L3MBTL4: variants seen among roughly 807,000 people sequenced by gnomAD.
L3MBTL4 encodes the protein L3MBTL histone methyl-lysine binding protein 4, also known as lethal(3)malignant brain tumor-like protein 4.
Under a neutral mutation model 84.5 loss-of-function variants are expected in L3MBTL4, and 70 were observed. The observed-to-expected ratio is 0.83, with a 90% CI of 0.68 to 1.01. The LOEUF (loss-of-function observed/expected upper bound fraction) is 1.01, where lower values mean the gene tolerates loss of function less well. Ranked by LOEUF, L3MBTL4 falls within the 50% of genes least tolerant of loss-of-function variation. The pLI, the probability that L3MBTL4 is intolerant of heterozygous loss-of-function variation, is 0.00. For synonymous variants in L3MBTL4, 274 were observed against 259.8 expected, an observed-to-expected ratio of 1.05 and a Z score of -0.52; for missense variants, 715 against 754.8, an observed-to-expected ratio of 0.95 and a Z score of 0.62.
chr18:6,000,885 GTC>G (rs2054181440), intron 16 of L3MBTL4, among the ~76,000 whole-genome samples: 1 of 152,216 alleles, frequency 6.6e-6, no homozygotes, highest in Admixed American at 6.5e-5. Flanking sequence ...CCAGGAATCT[GTC>G]TCTCTGCCTA....
chr18:6,294,047 G>A (rs927078421), intron 4 of L3MBTL4, among the ~76,000 whole-genome samples: 1 of 152,098 alleles, frequency 6.6e-6, no homozygotes, highest in South Asian at 2.1e-4. Flanking sequence ...CTAATTTCCT[G>A]CTTGGAAGGA....
intron 5 of L3MBTL4, among the ~76,000 whole-genome samples, chr18:6,247,009 T>C (rs1481577782): frequency 6.6e-6 from 1 of 152,194 alleles, no homozygotes; most frequent in Admixed American, 6.5e-5. Context: ...CATTGCTACA[T>C]TTCACCTGCT....
intron 16 of L3MBTL4, among the ~76,000 whole-genome samples, chr18:6,013,786 T>C (rs1259112500): frequency 6.6e-6 from 1 of 152,232 alleles, no homozygotes; most frequent in Non-Finnish European, 1.5e-5. Context: ...GATCCTCAAA[T>C]CTGGCACATA....
chr18:6,201,646 G>A (rs894496151), intron 12 of L3MBTL4, among the ~76,000 whole-genome samples: 6 of 152,118 alleles, frequency 3.9e-5, no homozygotes, highest in African/African-American at 1.4e-4. Context: ...TGAAGTAAGG[G>A]ATTACAGAGA....
chr18:5,999,993 C>T lies in L3MBTL4; in HGVS notation c.1445-30431G>A, dbSNP rs140728838. Among the ~76,000 whole-genome samples, 1,181 of 152,028 alleles carry T rather than the reference C, an allele frequency of 7.8e-3. 18 individuals carry two copies. The highest frequency in any genetic ancestry group is 0.026 in the African/African-American group (1,070 of 41,438). On this transcript the variant is annotated intron_variant, in intron 16 of 18. Coordinates refer to ENST00000317931, the MANE Select transcript of L3MBTL4 (RefSeq NM_001330559.2). ...CTCAGTGTCAGGCAAGAGAGAGAAA[C>T]CTTTTAGTTGGAAAGCCTAGCCCTC...
chr18:6,271,478 C>A (rs1040797303), intron 4 of L3MBTL4, among the ~76,000 whole-genome samples: 3 of 152,110 alleles, frequency 2.0e-5, no homozygotes, highest in Admixed American at 6.5e-5. Context: ...AAAATAGTCC[C>A]GAAGCTGCCG....
At chr18:6,122,301 G>A (rs1264262092) in intron 14 of L3MBTL4, among the ~76,000 whole-genome samples, 1 of 152,122 alleles carries the variant, frequency 6.6e-6, no homozygotes, top group Admixed American at 6.5e-5. Flanking sequence ...CCAATTGTCT[G>A]CACTACAAGT....
chr18:6,022,414 C>T (rs2055313467), intron 16 of L3MBTL4, among the ~76,000 whole-genome samples: 1 of 152,196 alleles, frequency 6.6e-6, no homozygotes, highest in Admixed American at 6.5e-5. Context: ...CTCACTACAG[C>T]CTCCACAATG....
At chr18:6,311,511 C>T (rs751194978) in intron 3 of L3MBTL4, 43 bp downstream of exon 3, 8 of 1,526,382 alleles carry the variant, frequency 5.2e-6, no homozygotes, top group African/African-American at 4.1e-5. Flanking sequence ...ATTTTGGTAG[C>T]GATCACACAC....
At chr18:6,020,313 G>A (rs529507074) in intron 16 of L3MBTL4, among the ~76,000 whole-genome samples, 1 of 152,138 alleles carries the variant, frequency 6.6e-6, no homozygotes, top group East Asian at 1.9e-4. Flanking sequence ...GTGAGAAGAA[G>A]GGGGAAAGCA....
chr18:6,088,797 C>T (rs986352494), intron 15 of L3MBTL4, among the ~76,000 whole-genome samples: 2 of 152,150 alleles, frequency 1.3e-5, no homozygotes, highest in African/African-American at 4.8e-5. Context: ...TGGCTCATGG[C>T]AGTGCAGTTT....
At chr18:6,295,340 C>A (rs1170849679) in intron 4 of L3MBTL4, among the ~76,000 whole-genome samples, 380 of 122,468 alleles carry the variant, frequency 3.1e-3, no homozygotes, top group Non-Finnish European at 3.9e-3. Flanking sequence ...CTCTCTCTCT[C>A]TCTCTCTATA....
At position 6,152,309 on chromosome 18, in the gene L3MBTL4, T is replaced by C. The variant is rs182215788; in HGVS notation, c.1097-14013A>G. On this transcript the variant is annotated intron_variant, in intron 13 of 18. Coordinates refer to ENST00000317931, the MANE Select transcript of L3MBTL4 (RefSeq NM_001330559.2). ...GCAATTTTTAAAGGAACCTCCATTT[T>C]TTTTTTCCATAACAGCTATACCAAT... Among the ~76,000 whole-genome samples the C allele has an allele frequency of 2.5e-3, 374 of 152,308 alleles. 2 individuals carry two copies. Among genetic ancestry groups the C allele is most frequent in the African/African-American group, 8.6e-3 (356 of 41,566 alleles).
intron 16 of L3MBTL4, among the ~76,000 whole-genome samples, chr18:6,021,232 TG>T (rs1489454279): frequency 6.6e-6 from 1 of 152,192 alleles, no homozygotes; most frequent in East Asian, 1.9e-4. Context: ...GGAGCTAGCC[TG>T]CTGTAGGCTG....
chr18:5,956,349 C>T lies in L3MBTL4; in HGVS notation c.1716G>A (p.Thr572=), dbSNP rs569347219. ...TGATCTTCATCACTTTGACAATGTCCGTCTGTGTCAGAAGCAGGAAGGCTT... is the reference window on the plus strand; with the variant it reads ...TGATCTTCATCACTTTGACAATGTCTGTCTGTGTCAGAAGCAGGAAGGCTT... ...DGKAFLLLTQ[T]DIVKVMKIKL... The change falls in exon 19 of 19, where the codon ACG becomes ACA. Residue 572 remains threonine, a synonymous_variant. Coordinates refer to ENST00000317931, the MANE Select transcript of L3MBTL4 (RefSeq NM_001330559.2). The T allele has an allele frequency of 2.9e-5, 46 of 1,614,030 alleles. No homozygotes were observed. The highest frequency in any genetic ancestry group is 5.5e-5 in the South Asian group (5 of 91,062).
At chr18:6,229,420 G>A (rs975031134) in intron 10 of L3MBTL4, among the ~76,000 whole-genome samples, 1 of 151,950 alleles carries the variant, frequency 6.6e-6, no homozygotes, top group African/African-American at 2.4e-5. Context: ...CACTCTGTAG[G>A]CTGCCTTTTC....
At chr18:6,179,312 A>C (rs1315494952) in intron 12 of L3MBTL4, among the ~76,000 whole-genome samples, 1 of 152,202 alleles carries the variant, frequency 6.6e-6, no homozygotes, top group African/African-American at 2.4e-5. Flanking sequence ...ATTGTGCCTG[A>C]ACTCTTCTAG....
At chr18:6,345,219 AAAAAAAAAAAAAAAAAAG>A (rs2052820035) in intron 1 of L3MBTL4, among the ~76,000 whole-genome samples, 1 of 132,560 alleles carries the variant, frequency 7.5e-6, no homozygotes, top group African/African-American at 3.4e-5. Context: ...AAAATACAAA[AAAAAAAAAAAAAAAAAAG>A]AAAAAAAAAA....
At chr18:6,043,758 T>C (rs2056502395) in intron 16 of L3MBTL4, among the ~76,000 whole-genome samples, 1 of 152,224 alleles carries the variant, frequency 6.6e-6, no homozygotes. Context: ...AGATTATCTA[T>C]AAATGTTTAT....
Sources: gnomAD v4.1 joint callset for allele counts (sites outside exome capture counted in the v4.1 genomes callset) on GRCh38, gnomAD v4.1.1 for gene constraint, MANE v1.5 for transcripts, NCBI Gene and HGNC (gene_info 2026-07-23, HGNC 2026-07-21) for gene names.